Variants in PXDNL observed in about 807,000 individuals in gnomAD.
The protein encoded by PXDNL is probable oxidoreductase PXDNL.
Under a neutral mutation model 150.8 loss-of-function variants are expected in PXDNL, and 145 were observed. The ratio of observed to expected loss-of-function variants is 0.96; its 90% CI spans 0.84 to 1.10. The LOEUF is 1.10. Ranked by LOEUF, PXDNL falls within the 50% of genes least tolerant of loss-of-function variation. PXDNL has a pLI of 0.00. For synonymous variants in PXDNL, 757 were observed against 725.7 expected (o/e 1.04, Z -0.69); for missense variants, 2,087 against 1,873.9 (o/e 1.11, Z -2.10).
At chr8:51,425,947 T>C (rs138293030) in intron 13 of PXDNL, among the ~76,000 whole-genome samples, 10 of 152,322 alleles carry the variant, frequency 6.6e-5, no homozygotes, top group African/African-American at 2.4e-4. Context: ...TGTTAATATA[T>C]GGTAGCAATA....
At chr8:51,580,342 C>T (rs1053023208) in intron 3 of PXDNL, among the ~76,000 whole-genome samples, 1 of 152,172 alleles carries the variant, frequency 6.6e-6, no homozygotes, top group South Asian at 2.1e-4. Context: ...CGTATTATTT[C>T]TTACAGTGGC....
At chr8:51,798,693 C>T (rs1412911091) in intron 1 of PXDNL, among the ~76,000 whole-genome samples, 1 of 152,218 alleles carries the variant, frequency 6.6e-6, no homozygotes, top group South Asian at 2.1e-4. Context: ...CAGATGCTGG[C>T]AAGGCTGTGG....
chr8:51,461,485 T>A (rs939626989), intron 8 of PXDNL, among the ~76,000 whole-genome samples: 1 of 152,226 alleles, frequency 6.6e-6, no homozygotes, highest in African/African-American at 2.4e-5. Context: ...GAGCACAGGC[T>A]GGGCAGTCCC....
intron 1 of PXDNL, among the ~76,000 whole-genome samples, chr8:51,738,467 A>G (rs906628448): frequency 1.3e-5 from 2 of 151,988 alleles, no homozygotes; most frequent in Admixed American, 1.3e-4. Flanking sequence ...TTACTCTTCA[A>G]ATTTGTCCTC....
chr8:51,494,300 C>G (rs1031277897), intron 5 of PXDNL, among the ~76,000 whole-genome samples: 5 of 152,098 alleles, frequency 3.3e-5, no homozygotes, highest in Non-Finnish European at 5.9e-5. Context: ...TGGAAAGGAA[C>G]AACCGGCACC....
intron 4 of PXDNL, among the ~76,000 whole-genome samples, chr8:51,528,537 G>A (rs1350105436): frequency 7.9e-5 from 12 of 152,302 alleles, no homozygotes; most frequent in Admixed American, 7.8e-4. Context: ...ACCTGATTGT[G>A]TTACATTCCA....
chr8:51,808,336 T>C (rs965468730), intron 1 of PXDNL, among the ~76,000 whole-genome samples: 2 of 152,176 alleles, frequency 1.3e-5, no homozygotes, highest in Admixed American at 1.3e-4. Flanking sequence ...TTTTTCCTTT[T>C]CTTCTTTTAT....
chr8:51,649,137 C>T (rs1814982972), intron 2 of PXDNL, among the ~76,000 whole-genome samples: 1 of 152,106 alleles, frequency 6.6e-6, no homozygotes, highest in South Asian at 2.1e-4. Context: ...TGTCAAACAA[C>T]ATGCTTTAAG....
In PXDNL at chr8:51,507,421, C is replaced by T. The variant is rs74331603; in HGVS notation, c.381-7651G>A. ...TTGCACAGAACAGTAAGGAGCTGAG[C>T]GGGACAGAAGCACTGGTTGCCTGCA... On this transcript the variant is annotated intron_variant, in intron 4 of 22. Transcript: ENST00000356297. Among the ~76,000 whole-genome samples the T allele has an allele frequency of 2.6e-4, 39 of 152,244 alleles. No homozygotes were observed. The East Asian group carries it at 6.8e-3, about 26-fold the overall frequency.
intron 17 of PXDNL, among the ~76,000 whole-genome samples, chr8:51,404,135 T>G (rs1191550017): frequency 1.3e-5 from 2 of 152,024 alleles, no homozygotes; most frequent in African/African-American, 4.8e-5. Context: ...ACCCTTGGGG[T>G]GAGTGTTTCA....
intron 19 of PXDNL, among the ~76,000 whole-genome samples, chr8:51,370,015 C>T (rs1807050345): frequency 6.6e-6 from 1 of 152,192 alleles, no homozygotes; most frequent in Non-Finnish European, 1.5e-5. Context: ...ATGCACCTAC[C>T]CTACACGTGC....
intron 6 of PXDNL, among the ~76,000 whole-genome samples, chr8:51,479,015 G>T (rs1810543227): frequency 6.6e-6 from 1 of 152,310 alleles, no homozygotes; most frequent in East Asian, 1.9e-4. Context: ...CACAGTGCAT[G>T]CATGTAAGGT....
At chr8:51,386,075 C>T (rs567198966) in intron 17 of PXDNL, among the ~76,000 whole-genome samples, 4 of 151,672 alleles carry the variant, frequency 2.6e-5, no homozygotes, top group Non-Finnish European at 5.9e-5. Context: ...AGACATTTAA[C>T]AGAAATGTTG....
chr8:51,640,078 T>G (rs1814711609), intron 2 of PXDNL, among the ~76,000 whole-genome samples: 1 of 152,164 alleles, frequency 6.6e-6, no homozygotes, highest in African/African-American at 2.4e-5. Flanking sequence ...TAATCCAGCA[T>G]AGAAACAGAA....
At chr8:51,666,982 G>A (rs1213370525) in intron 1 of PXDNL, among the ~76,000 whole-genome samples, 1 of 151,970 alleles carries the variant, frequency 6.6e-6, no homozygotes, top group Non-Finnish European at 1.5e-5. Flanking sequence ...CCTCCCTTAG[G>A]CTTGCCTCTG....
intron 1 of PXDNL, among the ~76,000 whole-genome samples, chr8:51,729,332 A>G (rs373905220): frequency 0.052 from 7,909 of 151,886 alleles, 231 homozygotes; most frequent in African/African-American, 0.078. Flanking sequence ...AAAACAAAAA[A>G]TGGGTAAAAG....
chr8:51,694,197 A>C (rs943083919), intron 1 of PXDNL, among the ~76,000 whole-genome samples: 1 of 152,126 alleles, frequency 6.6e-6, no homozygotes, highest in Admixed American at 6.5e-5. Context: ...GTTTCTGCTA[A>C]ACAAAATACA....
intron 4 of PXDNL, among the ~76,000 whole-genome samples, chr8:51,536,245 A>G (rs1321335069): frequency 6.6e-6 from 1 of 152,256 alleles, no homozygotes; most frequent in Non-Finnish European, 1.5e-5. Flanking sequence ...AATAAAGCTG[A>G]CACCAAGGAC....
chr8:51,524,914 T>C (rs1186655468), intron 4 of PXDNL, among the ~76,000 whole-genome samples: 1 of 152,150 alleles, frequency 6.6e-6, no homozygotes, highest in Admixed American at 6.5e-5. Context: ...AGGTTAGAAA[T>C]GCAAAAGTTC....
Sources: allele counts gnomAD v4.1 joint callset (sites outside exome capture counted in the v4.1 genomes callset), GRCh38; gene constraint gnomAD v4.1.1; transcripts MANE v1.5; gene names NCBI Gene and HGNC (gene_info 2026-07-23, HGNC 2026-07-21).